MACROD2: variants seen among roughly 807,000 people sequenced by gnomAD.
The protein encoded by MACROD2 is mono-ADP ribosylhydrolase 2, also known as ADP-ribose glycohydrolase MACROD2.
Under a neutral mutation model 70.4 loss-of-function variants are expected in MACROD2, and 36 were observed. The ratio of observed to expected loss-of-function variants is 0.51; its 90% confidence interval spans 0.39 to 0.68. The LOEUF (loss-of-function observed/expected upper bound fraction) is 0.68, where lower values mean the gene tolerates loss of function less well. Among genes scored for constraint, MACROD2 ranks in the 30% least tolerant of loss-of-function variants. The pLI is 0.00. For synonymous variants in MACROD2, 172 were observed against 178.8 expected (o/e 0.96, Z 0.30); for missense variants, 496 against 538.4 (o/e 0.92, Z 0.78).
rs906759846 is a variant in MACROD2 at position 15,859,227 on chromosome 20, G to A, written c.646-3518G>A. 7.9e-5 allele frequency among the ~76,000 whole-genome samples: 12 copies of A among 152,186 alleles called. No individual in the cohort carries two copies. In the East Asian group the frequency reaches 2.1e-3, roughly 27 times the overall value. ...TGAGTGGGCTGAGGAGGAAGAGGAA[G>A]GGGGGTAGGTATACTTTCTCAGGGG... On this transcript the variant is annotated intron_variant, in intron 8 of 17. Transcript: ENST00000684519.
intron 5 of MACROD2, among the ~76,000 whole-genome samples, chr20:15,219,080 A>T (rs2076835923): frequency 6.6e-6 from 1 of 152,196 alleles, no homozygotes; most frequent in African/African-American, 2.4e-5. Context: ...CATAAAAGTG[A>T]AATTGGTGAC....
intron 8 of MACROD2, among the ~76,000 whole-genome samples, chr20:15,765,458 A>G (rs2051506825): frequency 6.6e-6 from 1 of 152,168 alleles, no homozygotes; most frequent in Non-Finnish European, 1.5e-5. Flanking sequence ...TTTTCATAAC[A>G]GAAACATTCA....
At chr20:15,152,129 T>C (rs1169156013) in intron 5 of MACROD2, among the ~76,000 whole-genome samples, 7 of 151,880 alleles carry the variant, frequency 4.6e-5, no homozygotes, top group Admixed American at 4.6e-4. Context: ...TTAGATCTTG[T>C]AGGATGGAAA....
At chr20:14,325,982 G>C in intron 3 of MACROD2, 2 of 1,613,900 alleles carry the variant, frequency 1.2e-6, no homozygotes, top group Admixed American at 3.3e-5. Context: ...GTGGTTGTAG[G>C]GTTGTACATT....
chr20:15,235,447 T>G (rs2077005478), intron 6 of MACROD2, among the ~76,000 whole-genome samples: 1 of 152,192 alleles, frequency 6.6e-6, no homozygotes, highest in African/African-American at 2.4e-5. Context: ...TAACTGATGT[T>G]CCTTCCTTGA....
intron 5 of MACROD2, among the ~76,000 whole-genome samples, chr20:15,176,581 T>A (rs1190179745): frequency 6.6e-6 from 1 of 152,160 alleles, no homozygotes; most frequent in Non-Finnish European, 1.5e-5. Context: ...GATGACCTGC[T>A]TGTGGAAATG....
chr20:15,727,497 G>A (rs2050882352), intron 8 of MACROD2, among the ~76,000 whole-genome samples: 1 of 152,094 alleles, frequency 6.6e-6, no homozygotes, highest in Non-Finnish European at 1.5e-5. Flanking sequence ...AGTTTGATAG[G>A]AATAGCATTG....
At chr20:14,252,857 G>A (rs1041429487) in intron 3 of MACROD2, among the ~76,000 whole-genome samples, 1 of 151,820 alleles carries the variant, frequency 6.6e-6, no homozygotes, top group African/African-American at 2.4e-5. Flanking sequence ...TTAATTTATA[G>A]CTGAAGCTCC....
intron 5 of MACROD2, among the ~76,000 whole-genome samples, chr20:15,116,476 C>G (rs909637941): frequency 1.3e-5 from 2 of 152,136 alleles, no homozygotes; most frequent in African/African-American, 4.8e-5. Context: ...AACCCCATCT[C>G]TACTAAAAAT....
intron 3 of MACROD2, among the ~76,000 whole-genome samples, chr20:14,297,058 T>C (rs1245641733): frequency 6.6e-6 from 1 of 151,832 alleles, no homozygotes; most frequent in Admixed American, 6.6e-5. Flanking sequence ...TTAATGTTAC[T>C]ATTGTAACTG....
chr20:14,098,387 A>G (rs2054256736), intron 3 of MACROD2, among the ~76,000 whole-genome samples: 1 of 152,208 alleles, frequency 6.6e-6, no homozygotes, highest in African/African-American at 2.4e-5. Flanking sequence ...ACCATTGACC[A>G]AGGAAAAGAA....
At chr20:15,076,007 ACTAT>A (rs2075654843) in intron 5 of MACROD2, among the ~76,000 whole-genome samples, 3 of 152,362 alleles carry the variant, frequency 2.0e-5, no homozygotes, top group Admixed American at 2.0e-4. Flanking sequence ...ATATGTGTTA[ACTAT>A]CAAAACTTCA....
rs1230863391 is a variant in MACROD2 at position 14,938,940 on chromosome 20, A to ATTTTTTTTTTTT, written c.418+253992_418+254003dup. Among the ~76,000 whole-genome samples, 184 of 86,384 alleles carry ATTTTTTTTTTTT rather than the reference A, an allele frequency of 2.1e-3. 2 individuals are homozygous for ATTTTTTTTTTTT. The highest frequency in any genetic ancestry group is 3.1e-3 in the Non-Finnish European group (123 of 39,618). The allele number at this position is 86,384 out of a possible 152,430, so 56.7% of individuals were successfully genotyped here. The stretch of plus-strand genomic sequence containing the variant: ...GATATTTTTTTCATTGTTAAATCAG[A>ATTTTTTTTTTTT]TTTTTTTTTTTTTTTTTTTTTTACT... On this transcript the variant is annotated intron_variant, in intron 5 of 17. Coordinates refer to ENST00000684519, the MANE Select transcript of MACROD2 (RefSeq NM_001351661.2).
intron 7 of MACROD2, among the ~76,000 whole-genome samples, chr20:15,435,573 A>G (rs1275926053): frequency 6.6e-6 from 1 of 152,134 alleles, no homozygotes; most frequent in Non-Finnish European, 1.5e-5. Flanking sequence ...AGTCTCTAAA[A>G]TTGTTGCCAA....
At chr20:15,000,564 A>G (rs1012632847) in intron 5 of MACROD2, among the ~76,000 whole-genome samples, 5 of 128,136 alleles carry the variant, frequency 3.9e-5, no homozygotes, top group Non-Finnish European at 7.8e-5. Context: ...CGGAGCTTGC[A>G]GTGAGCCGAG....
chr20:14,727,989 C>A (rs149788381), intron 5 of MACROD2, among the ~76,000 whole-genome samples: 2 of 152,134 alleles, frequency 1.3e-5, no homozygotes, highest in East Asian at 3.8e-4. Flanking sequence ...GCTTAACTTA[C>A]TGGCCCCAGA....
At chr20:14,837,545 A>G (rs1308028224) in intron 5 of MACROD2, among the ~76,000 whole-genome samples, 2 of 152,052 alleles carry the variant, frequency 1.3e-5, no homozygotes, top group Non-Finnish European at 2.9e-5. Context: ...CCTTTGAGCT[A>G]ACTGTGTCTT....
chr20:15,073,286 G>A (rs2075632823), intron 5 of MACROD2, among the ~76,000 whole-genome samples: 1 of 152,058 alleles, frequency 6.6e-6, no homozygotes, highest in African/African-American at 2.4e-5. Context: ...TATCAAAGAT[G>A]TTAGTTAGAA....
chr20:14,388,862 CAGAG>C (rs368286880), intron 3 of MACROD2, among the ~76,000 whole-genome samples: 37 of 151,920 alleles, frequency 2.4e-4, no homozygotes, highest in African/African-American at 8.9e-4. Flanking sequence ...AACTGAGACA[CAGAG>C]AGAGAGAGCA....
Sources: allele counts gnomAD v4.1 joint callset (sites outside exome capture counted in the v4.1 genomes callset), GRCh38; gene constraint gnomAD v4.1.1; transcripts MANE v1.5; gene names NCBI Gene and HGNC (gene_info 2026-07-23, HGNC 2026-07-21).